The following GSG1L2 variants were observed in gnomAD, a reference collection of about 807,000 sequenced individuals.
GSG1L2 encodes the protein germ cell-specific gene 1-like protein 2.
A neutral mutation model predicts 9.0 loss-of-function variants in GSG1L2; 15 were observed. That is an observed-to-expected ratio of 1.67 (90% CI 1.12 to 2.57). GSG1L2 has a LOEUF of 2.57. Among genes scored for constraint, GSG1L2 ranks in the 30% most tolerant of loss-of-function variants. The probability of loss-of-function intolerance (pLI) is 0.00; values close to 1 mark genes in which losing one functional copy is unlikely to be tolerated. For missense variants in GSG1L2, 286 were observed against 150.3 expected (o/e 1.90, Z -4.72); for synonymous variants, 127 against 57.9 (o/e 2.19, Z -5.41).
chr17:9,808,783 G>C (rs1275505825), intron 3 of GSG1L2, 47 bp downstream of exon 3: 3 of 699,396 alleles, frequency 4.3e-6, no homozygotes, highest in African/African-American at 3.5e-5. Context: ...CTGACACTCT[G>C]CTTTCCCTCT....
At chr17:9,807,351 T>A (rs1252002816) in intron 4 of GSG1L2, 139 bp downstream of exon 4, 8 of 626,542 alleles carry the variant, frequency 1.3e-5, no homozygotes, top group Admixed American at 4.8e-5. Flanking sequence ...TACAGATGGG[T>A]CACAGAATTA....
rs528182205 is a variant in GSG1L2, at chr17:9,813,719, C to T, written c.311-3101G>A. On this transcript the variant is annotated intron_variant, in intron 1 of 4. Coordinates refer to ENST00000399363, the MANE Select transcript of GSG1L2 (RefSeq NM_001310219.2). The stretch of plus-strand genomic sequence containing the variant: ...TCATCCGATCCCAACCATACCCTGG[C>T]GAGTCAGGCCAGCATGTTGGCAGCA... Among the ~76,000 whole-genome samples the T allele has an allele frequency of 3.9e-5, 6 of 152,312 alleles. No individual in the cohort carries two copies. The East Asian group carries it at 9.7e-4, about 25-fold the overall frequency.
At chr17:9,808,407 T>C (rs2066524247) in intron 3 of GSG1L2, among the ~76,000 whole-genome samples, 1 of 152,198 alleles carries the variant, frequency 6.6e-6, no homozygotes, top group African/African-American at 2.4e-5. Flanking sequence ...TCTTATTTAG[T>C]CATCGCCAAA....
chr17:9,804,224 G>A (rs1838935591), intron 4 of GSG1L2: 1 of 152,244 alleles, frequency 6.6e-6, no homozygotes, highest in African/African-American at 2.4e-5. Context: ...AGACAAGAAG[G>A]ATGCCTGTTA....
At chr17:9,809,318 TG>T in intron 2 of GSG1L2, 1 of 359,018 alleles carries the variant, frequency 2.8e-6, no homozygotes, top group Non-Finnish European at 5.3e-6. Flanking sequence ...TTCCTGCCGG[TG>T]GGTTCATGGT....
chr17:9,809,026 C>G lies in GSG1L2; in HGVS notation c.359-44G>C. Reference sequence around the variant, plus strand: ...TTGGAAACGCTGGACACTTCTAATTCAGAAATACTAAAATGTTCAATCCTT... The same window carrying G: ...TTGGAAACGCTGGACACTTCTAATTGAGAAATACTAAAATGTTCAATCCTT... On this transcript the variant is annotated intron_variant, in intron 2 of 4. Transcript: ENST00000399363. The G allele has an allele frequency of 4.3e-6, 3 of 697,272 alleles. No individual in the cohort carries two copies. In the South Asian group the frequency reaches 4.5e-5, roughly 10 times the overall value. The allele number at this position is 697,272 out of a possible 1,614,324, so 43.2% of individuals were successfully genotyped here. A position where few individuals can be genotyped will look rare whatever the true frequency, so the allele number is the denominator to read the frequency against.
intron 4 of GSG1L2, among the ~76,000 whole-genome samples, chr17:9,807,252 T>G (rs923546062): frequency 6.6e-6 from 1 of 152,198 alleles, no homozygotes; most frequent in Non-Finnish European, 1.5e-5. Context: ...CTTTACTATG[T>G]GCAAAGAGTT....
Position 9,810,374 on chromosome 17 carries a change from G to A in GSG1L2, c.358+197C>T. ...CAGGGCTTCCCATCCACCCTACAAA[G>A]TTGGCTGTTAAACATTTGCCAGCAC... On this transcript the variant is annotated intron_variant, in intron 2 of 4. Transcript: ENST00000399363. 5.1e-6 allele frequency: 3 copies of A among 588,888 alleles called. No individual in the cohort carries two copies. In the South Asian group the frequency reaches 6.3e-5, roughly 12 times the overall value. 36.5% of individuals were successfully genotyped at this position (588,888 alleles called of 1,614,324 possible).
At chr17:9,804,654 G>A (rs984753819) in intron 4 of GSG1L2, 1 of 152,188 alleles carries the variant, frequency 6.6e-6, no homozygotes, top group Non-Finnish European at 1.5e-5. Context: ...TTTTTGTGGA[G>A]TGGAATTCCA....
chr17:9,822,044 G>A lies in GSG1L2; in HGVS notation c.28C>T (p.Leu10=), dbSNP rs1172110593. ...GCGAGGCAGACAGGGAGGAGGAGCA[G>A]CGCCTGCTGCTGCTTGGCCCTGTCC... MDRAKQQQA[L]LLLPVCLALT... The change falls in exon 1 of 5, where the codon CTG becomes TTG. Residue 10 remains leucine (L), a synonymous_variant. Coordinates refer to ENST00000399363, the MANE Select transcript of GSG1L2 (RefSeq NM_001310219.2). 2 of 701,910 alleles carry A rather than the reference G, an allele frequency of 2.8e-6. No individual in the cohort carries two copies. The highest frequency in any genetic ancestry group is 5.2e-6 in the Non-Finnish European group (2 of 384,866). The allele number at this position is 701,910 out of a possible 1,614,324, so 43.5% of individuals were successfully genotyped here.
At position 9,801,402 on chromosome 17, in the gene GSG1L2, G is replaced by A. The variant is rs1238469795; in HGVS notation, c.*984C>T. On this transcript the variant is annotated 3_prime_UTR_variant, in exon 5 of 5. Coordinates refer to ENST00000399363, the MANE Select transcript of GSG1L2 (RefSeq NM_001310219.2). ...TTGATGTTTTTTTTTTTTTAGTAGAGACAGGGTTTCACCATGTTGGCCAGG... is the reference window on the plus strand; with the variant it reads ...TTGATGTTTTTTTTTTTTTAGTAGAAACAGGGTTTCACCATGTTGGCCAGG... Among the ~76,000 whole-genome samples the A allele has an allele frequency of 1.3e-5, 2 of 151,232 alleles. No homozygotes were observed. The highest frequency in any genetic ancestry group is 2.9e-5 in the Non-Finnish European group (2 of 67,896).
At chr17:9,814,916 T>C (rs970342417) in intron 1 of GSG1L2, among the ~76,000 whole-genome samples, 2 of 152,212 alleles carry the variant, frequency 1.3e-5, no homozygotes, top group Admixed American at 1.3e-4. Context: ...TCCACACATT[T>C]TGTGGATTCA....
intron 1 of GSG1L2, among the ~76,000 whole-genome samples, chr17:9,814,711 C>T (rs1347491016): frequency 6.6e-6 from 1 of 152,080 alleles, no homozygotes; most frequent in East Asian, 1.9e-4. Flanking sequence ...TGTTACATAG[C>T]GTGTGTGCTT....
chr17:9,815,952 T>C (rs1405365941), intron 1 of GSG1L2, among the ~76,000 whole-genome samples: 2 of 151,632 alleles, frequency 1.3e-5, no homozygotes, highest in African/African-American at 4.8e-5. Context: ...TCGTGGGGAG[T>C]TGGACTAGTG....
chr17:9,802,852 T>C lies in GSG1L2; in HGVS notation c.624-208A>G, dbSNP rs546576509. On this transcript the variant is annotated intron_variant, in intron 4 of 4. Coordinates refer to ENST00000399363, the MANE Select transcript of GSG1L2 (RefSeq NM_001310219.2). ...AGAATGGATTCTGGAGTCACTGTGC[T>C]GGCTTTGCATCGTGGCCCCACCTTG... 2.6e-5 allele frequency among the ~76,000 whole-genome samples: 4 copies of C among 152,328 alleles called. No individual in the cohort carries two copies. In the South Asian group the frequency reaches 8.3e-4, roughly 32 times the overall value.
intron 4 of GSG1L2, among the ~76,000 whole-genome samples, chr17:9,805,858 A>G (rs917619423): frequency 4.6e-5 from 7 of 152,098 alleles, no homozygotes; most frequent in Non-Finnish European, 1.0e-4. Context: ...TTTCGTCCCC[A>G]TATAGCTAAA....
chr17:9,813,327 C>T (rs2066546489), intron 1 of GSG1L2, among the ~76,000 whole-genome samples: 1 of 152,130 alleles, frequency 6.6e-6, no homozygotes, highest in African/African-American at 2.4e-5. Context: ...GGAGCTTCTC[C>T]ACTGGGATGT....
chr17:9,818,501 AT>A (rs377057350), intron 1 of GSG1L2, among the ~76,000 whole-genome samples: 2,455 of 82,634 alleles, frequency 0.03, 16 homozygotes, highest in Non-Finnish European at 0.039. Flanking sequence ...ACACAGCTAA[AT>A]TTTTTTTTTT....
At chr17:9,807,748 G>A (rs369018640) in intron 3 of GSG1L2, 147 bp from the exon 4 acceptor site, 1 of 601,092 alleles carries the variant, frequency 1.7e-6, no homozygotes, top group Non-Finnish European at 3.0e-6. Context: ...ACATTCCGCT[G>A]GACATCTCTT....
Sources: gnomAD v4.1 joint callset for allele counts (sites outside exome capture counted in the v4.1 genomes callset) on GRCh38, gnomAD v4.1.1 for gene constraint, MANE v1.5 for transcripts, NCBI Gene and HGNC (gene_info 2026-07-23, HGNC 2026-07-21) for gene names.